PRELID2: variants seen among roughly 807,000 people sequenced by gnomAD.
PRELID2 encodes the protein PRELI domain-containing protein 2.
Under a neutral mutation model 28.4 loss-of-function variants are expected in PRELID2, and 25 were observed. That is an observed-to-expected ratio of 0.88 (90% CI 0.64 to 1.23). The LOEUF (loss-of-function observed/expected upper bound fraction) is 1.23, where lower values mean the gene tolerates loss of function less well. Among genes scored for constraint, PRELID2 ranks in the 50% most tolerant of loss-of-function variants. PRELID2 has a pLI of 0.00. For synonymous variants in PRELID2, 76 were observed against 71.6 expected (o/e 1.06, Z -0.31); for missense variants, 201 against 214.4 (o/e 0.94, Z 0.39).
At chr5:145,417,061 G>T in the PRELID2 span, among the ~76,000 whole-genome samples, 28 of 152,084 alleles carry the variant, frequency 1.8e-4, no homozygotes, top group South Asian at 2.7e-3. Flanking sequence ...AATCAGAAAT[G>T]ATAAGGGAGA....
At chr5:145,415,195 A>G in the PRELID2 span, among the ~76,000 whole-genome samples, 1 of 152,132 alleles carries the variant, frequency 6.6e-6, no homozygotes, top group African/African-American at 2.4e-5. Context: ...ACACACAACT[A>G]AATGGAAATC....
intron 5 of PRELID2, among the ~76,000 whole-genome samples, chr5:145,781,615 T>C (rs1176886711): frequency 6.8e-6 from 1 of 147,306 alleles, no homozygotes; most frequent in Admixed American, 6.8e-5. Context: ...ATACACACTA[T>C]ATATATACTA....
At chr5:145,428,550 G>A in the PRELID2 span, among the ~76,000 whole-genome samples, 1 of 152,136 alleles carries the variant, frequency 6.6e-6, no homozygotes, top group Non-Finnish European at 1.5e-5. Flanking sequence ...AAGTTGTGGG[G>A]TGGGGGCAGG....
chr5:145,273,978 G>T, the PRELID2 span, among the ~76,000 whole-genome samples: 1 of 152,160 alleles, frequency 6.6e-6, no homozygotes, highest in Admixed American at 6.6e-5. Flanking sequence ...GAAGCATAGT[G>T]AACGAGAGGG....
chr5:145,334,301 T>A, the PRELID2 span, among the ~76,000 whole-genome samples: 1 of 152,214 alleles, frequency 6.6e-6, no homozygotes. Context: ...AATATCTGTT[T>A]TAATTTGAAA....
intron 5 of PRELID2, among the ~76,000 whole-genome samples, chr5:145,765,802 A>C (rs927880340): frequency 7.2e-5 from 11 of 152,188 alleles, no homozygotes; most frequent in Non-Finnish European, 1.3e-4. Context: ...AGGACACCTT[A>C]ATACACATAA....
At chr5:145,652,237 G>T (rs1379182810) in intron 1 of PRELID2, among the ~76,000 whole-genome samples, 1 of 152,184 alleles carries the variant, frequency 6.6e-6, no homozygotes, top group Admixed American at 6.5e-5. Context: ...AAGCCTCCAA[G>T]AAATATGGGA....
intron 2 of PRELID2, among the ~76,000 whole-genome samples, chr5:145,822,483 G>A (rs993846422): frequency 6.6e-6 from 1 of 152,060 alleles, no homozygotes; most frequent in African/African-American, 2.4e-5. Flanking sequence ...ACTAAAACAG[G>A]CAGCACAAGC....
the PRELID2 span, among the ~76,000 whole-genome samples, chr5:145,295,827 T>G: frequency 1.3e-5 from 2 of 152,048 alleles, no homozygotes; most frequent in African/African-American, 2.4e-5. Context: ...ACAAAACAAG[T>G]AGACAATGTA....
the PRELID2 span, among the ~76,000 whole-genome samples, chr5:145,413,060 G>C: frequency 6.6e-6 from 1 of 151,942 alleles, no homozygotes; most frequent in Non-Finnish European, 1.5e-5. Context: ...ATTTTAGGTG[G>C]GGACATAGCC....
chr5:145,621,239 G>C (rs1290143822), intron 1 of PRELID2, among the ~76,000 whole-genome samples: 1 of 152,090 alleles, frequency 6.6e-6, no homozygotes, highest in African/African-American at 2.4e-5. Flanking sequence ...ACACTGACTA[G>C]GACGGCTATC....
intron 1 of PRELID2, among the ~76,000 whole-genome samples, chr5:145,824,104 A>C (rs1755009094): frequency 6.6e-6 from 1 of 152,082 alleles, no homozygotes; most frequent in Admixed American, 6.6e-5. Flanking sequence ...CACTACTCAG[A>C]TGTGAAAAGA....
At chr5:145,327,294 T>A in the PRELID2 span, among the ~76,000 whole-genome samples, 1 of 152,126 alleles carries the variant, frequency 6.6e-6, no homozygotes, top group Non-Finnish European at 1.5e-5. Context: ...TACATTAAGA[T>A]GTTTTGATGT....
the PRELID2 span, among the ~76,000 whole-genome samples, chr5:145,408,549 T>C: frequency 6.7e-6 from 1 of 150,126 alleles, no homozygotes; most frequent in Non-Finnish European, 1.5e-5. Context: ...TCACAACTTC[T>C]GGAACTAAAT....
the PRELID2 span, among the ~76,000 whole-genome samples, chr5:145,241,960 C>A: frequency 6.6e-6 from 1 of 151,798 alleles, no homozygotes. Flanking sequence ...AAAAAAGTTC[C>A]CCATAATGGT....
At chr5:145,240,658 G>T in the PRELID2 span, among the ~76,000 whole-genome samples, 23 of 151,752 alleles carry the variant, frequency 1.5e-4, no homozygotes, top group African/African-American at 3.6e-4. Flanking sequence ...TTATTTGAGG[G>T]TTTCTTTAAA....
intron 1 of PRELID2, among the ~76,000 whole-genome samples, chr5:145,711,715 C>T (rs951889369): frequency 2.6e-5 from 4 of 151,414 alleles, no homozygotes; most frequent in African/African-American, 9.7e-5. Context: ...TCCCTGAGTA[C>T]TTACGGCTGT....
At chr5:145,293,624 T>C in the PRELID2 span, among the ~76,000 whole-genome samples, 1 of 152,180 alleles carries the variant, frequency 6.6e-6, no homozygotes, top group African/African-American at 2.4e-5. Context: ...GGGTTGAATA[T>C]GCGTAGATAT....
chr5:145,673,551 C>G (rs1754753356), intron 1 of PRELID2, among the ~76,000 whole-genome samples: 1 of 151,846 alleles, frequency 6.6e-6, no homozygotes, highest in Non-Finnish European at 1.5e-5. Context: ...TGTACACACA[C>G]CCCACATCAC....
Sources: allele counts gnomAD v4.1 joint callset (sites outside exome capture counted in the v4.1 genomes callset), GRCh38; gene constraint gnomAD v4.1.1; transcripts MANE v1.5; gene names NCBI Gene and HGNC (gene_info 2026-07-23, HGNC 2026-07-21).